Variants in TMEM117 observed in about 807,000 individuals in gnomAD.
TMEM117 encodes the protein transmembrane protein 117.
A neutral mutation model predicts 52.4 loss-of-function variants in TMEM117; 27 were observed. The ratio of observed to expected loss-of-function variants is 0.51; its 90% CI spans 0.38 to 0.71. The LOEUF (loss-of-function observed/expected upper bound fraction) is 0.71. Ranked by LOEUF, TMEM117 falls within the 30% of genes least tolerant of loss-of-function variation. The pLI, the probability that TMEM117 is intolerant of heterozygous loss-of-function variation, is 0.00. For missense variants in TMEM117, 556 were observed against 630.5 expected (o/e 0.88, Z 1.26); for synonymous variants, 215 against 206.3 (o/e 1.04, Z -0.36).
chr12:44,379,409 A>G (rs867232801), intron 7 of TMEM117, among the ~76,000 whole-genome samples: 4 of 152,204 alleles, frequency 2.6e-5, no homozygotes, highest in Admixed American at 6.5e-5. Context: ...GGGTTCCACC[A>G]TAAACAAATT....
At chr12:43,882,257 C>T (rs2137453713) in intron 2 of TMEM117, among the ~76,000 whole-genome samples, 1 of 151,932 alleles carries the variant, frequency 6.6e-6, no homozygotes, top group Middle Eastern at 3.4e-3. Context: ...GTCAGGAGTT[C>T]AAGATCATCC....
At chr12:43,959,404 T>G (rs747978299) in intron 3 of TMEM117, among the ~76,000 whole-genome samples, 2 of 152,224 alleles carry the variant, frequency 1.3e-5, no homozygotes, top group Non-Finnish European at 2.9e-5. Flanking sequence ...TTCTCAAGGC[T>G]GATTTATCAT....
chr12:43,798,003 A>G, the TMEM117 span, among the ~76,000 whole-genome samples: 1 of 152,142 alleles, frequency 6.6e-6, no homozygotes, highest in East Asian at 1.9e-4. Context: ...CAACATGCAG[A>G]GTGCATGACA....
intron 5 of TMEM117, among the ~76,000 whole-genome samples, chr12:44,292,875 G>A (rs1303114048): frequency 1.3e-5 from 2 of 152,004 alleles, no homozygotes; most frequent in African/African-American, 2.4e-5. Flanking sequence ...AATGTTCCAT[G>A]TATGCTGGAG....
chr12:44,097,595 C>T (rs546821291), intron 3 of TMEM117, among the ~76,000 whole-genome samples: 1 of 151,804 alleles, frequency 6.6e-6, no homozygotes, highest in Admixed American at 6.6e-5. Context: ...AGTCATCATT[C>T]TTAGCAAACT....
chr12:43,799,263 A>C, the TMEM117 span: 1 of 507,068 alleles, frequency 2.0e-6, no homozygotes, highest in East Asian at 3.2e-5. Flanking sequence ...ACATAGCCTT[A>C]TCTCTAAACT....
chr12:44,167,361 G>T (rs1948981850), intron 4 of TMEM117, among the ~76,000 whole-genome samples: 1 of 152,128 alleles, frequency 6.6e-6, no homozygotes, highest in South Asian at 2.1e-4. Context: ...CTGGAGACTT[G>T]CAGTGTAGAA....
At chr12:43,976,160 G>T (rs753734422) in intron 3 of TMEM117, among the ~76,000 whole-genome samples, 2 of 152,136 alleles carry the variant, frequency 1.3e-5, no homozygotes, top group African/African-American at 4.8e-5. Context: ...ACTTCTAGTC[G>T]ACTGGAGGCT....
intron 6 of TMEM117, among the ~76,000 whole-genome samples, chr12:44,370,505 CTT>C (rs947989035): frequency 2.5e-5 from 3 of 120,420 alleles, no homozygotes; most frequent in Admixed American, 8.3e-5. Context: ...CACAGAGATT[CTT>C]TTTTTTTTTT....
intron 6 of TMEM117, among the ~76,000 whole-genome samples, chr12:44,367,313 A>C (rs946293164): frequency 6.6e-6 from 1 of 152,080 alleles, no homozygotes; most frequent in African/African-American, 2.4e-5. Context: ...AGGTCTTATC[A>C]ATATCAACAA....
At chr12:43,983,041 G>A (rs1945786856) in intron 3 of TMEM117, among the ~76,000 whole-genome samples, 2 of 152,164 alleles carry the variant, frequency 1.3e-5, no homozygotes, top group African/African-American at 4.8e-5. Context: ...GCTTGAAACA[G>A]CAGCCATTTT....
intron 6 of TMEM117, among the ~76,000 whole-genome samples, chr12:44,312,360 G>A (rs1379686225): frequency 6.6e-6 from 1 of 151,992 alleles, no homozygotes; most frequent in East Asian, 1.9e-4. Flanking sequence ...GAACATGCAG[G>A]ATTTGGTTTT....
intron 5 of TMEM117, among the ~76,000 whole-genome samples, chr12:44,251,044 G>A (rs75697135): frequency 0.017 from 2,635 of 152,080 alleles, 61 homozygotes; most frequent in East Asian, 0.056. Context: ...AGGGTTCTTG[G>A]TCACATGATT....
In TMEM117 at chr12:44,165,739, A is replaced by T. The variant is rs117030989; in HGVS notation, c.510+22115A>T. On this transcript the variant is annotated intron_variant, in intron 4 of 7. Transcript: ENST00000266534. ...AGATACATAAAGCAATTATTATTAG[A>T]TATAAAGGGAGAGACAGGCTTCAAT... is the stretch of plus-strand genomic sequence containing the variant. Among the ~76,000 whole-genome samples the T allele has an allele frequency of 1.9e-3, 292 of 152,326 alleles. 7 individuals carry two copies. In the East Asian group the frequency reaches 0.035, roughly 18 times the overall value.
intron 2 of TMEM117, among the ~76,000 whole-genome samples, chr12:43,865,190 G>A (rs986498711): frequency 5.9e-5 from 9 of 152,094 alleles, no homozygotes; most frequent in African/African-American, 1.7e-4. Flanking sequence ...CACCAATTCC[G>A]ACACAGTGGG....
intron 6 of TMEM117, among the ~76,000 whole-genome samples, chr12:44,352,582 G>A (rs1381225074): frequency 6.6e-6 from 1 of 152,066 alleles, no homozygotes; most frequent in Admixed American, 6.6e-5. Context: ...TGCTGTGAAT[G>A]ATGGTTTCCA....
chr12:44,334,205 G>A (rs1483901114), intron 6 of TMEM117, among the ~76,000 whole-genome samples: 1 of 151,918 alleles, frequency 6.6e-6, no homozygotes, highest in Non-Finnish European at 1.5e-5. Flanking sequence ...TCCTATTCAT[G>A]ACAAAGACTG....
intron 3 of TMEM117, among the ~76,000 whole-genome samples, chr12:44,003,935 A>G (rs1025969436): frequency 1.3e-5 from 2 of 152,196 alleles, no homozygotes; most frequent in Non-Finnish European, 2.9e-5. Context: ...CAGACTTGGC[A>G]CTAATGAGTC....
At chr12:43,946,523 A>G (rs1217329416) in intron 3 of TMEM117, among the ~76,000 whole-genome samples, 5 of 152,116 alleles carry the variant, frequency 3.3e-5, no homozygotes, top group Non-Finnish European at 7.4e-5. Context: ...AAAGCACTCA[A>G]TAGCTGGAAA....
Sources: allele counts gnomAD v4.1 joint callset (sites outside exome capture counted in the v4.1 genomes callset), GRCh38; gene constraint gnomAD v4.1.1; transcripts MANE v1.5; gene names NCBI Gene and HGNC (gene_info 2026-07-23, HGNC 2026-07-21).